GCNT1: variants seen among roughly 807,000 people sequenced by gnomAD.
GCNT1 encodes the protein beta-1,3-galactosyl-O-glycosyl-glycoprotein beta-1,6-N-acetylglucosaminyltransferase.
GCNT1 carries 16 observed loss-of-function variants against 26.2 expected under a neutral mutation model. That is an observed-to-expected ratio of 0.61 (90% CI 0.41 to 0.93). The LOEUF (loss-of-function observed/expected upper bound fraction) is 0.93. Among genes scored for constraint, GCNT1 ranks in the 40% least tolerant of loss-of-function variants. GCNT1 has a pLI of 0.00. For synonymous variants in GCNT1, 183 were observed against 190.8 expected, an observed-to-expected ratio of 0.96 and a Z score of 0.34; for missense variants, 477 against 526.7, an observed-to-expected ratio of 0.91 and a Z score of 0.92.
At chr9:76,430,548 AT>A (rs547016710) in intron 1 of GCNT1, among the ~76,000 whole-genome samples, 87 of 146,266 alleles carry the variant, frequency 5.9e-4, no homozygotes, top group Admixed American at 1.0e-3. Context: ...TGTTCGACTA[AT>A]TTTTTTTTTT....
chr9:76,485,026 A>T (rs931318072), intron 2 of GCNT1, among the ~76,000 whole-genome samples: 1 of 152,034 alleles, frequency 6.6e-6, no homozygotes, highest in African/African-American at 2.4e-5. Flanking sequence ...AGACCTCATG[A>T]TCCGCCCACC....
At chr9:76,456,608 A>C (rs187407250), upstream of GCNT1, among the ~76,000 whole-genome samples, 1 of 152,274 alleles carries the variant, frequency 6.6e-6, no homozygotes, top group East Asian at 1.9e-4. Flanking sequence ...TGACTGATAC[A>C]CCCCTAAGCA....
At chr9:76,399,457 G>C in the GCNT1 span, 1 of 1,573,810 alleles carries the variant, frequency 6.4e-7, no homozygotes, top group South Asian at 1.1e-5. Context: ...AAGGTGTACA[G>C]GTGCCCTCTG....
At chr9:76,395,214 G>C in the GCNT1 span, among the ~76,000 whole-genome samples, 1 of 152,206 alleles carries the variant, frequency 6.6e-6, no homozygotes, top group African/African-American at 2.4e-5. Context: ...CACAGGATAT[G>C]CAGGGTGCAA....
upstream of GCNT1, among the ~76,000 whole-genome samples, chr9:76,456,164 T>G (rs1271201431): frequency 6.6e-6 from 1 of 152,208 alleles, no homozygotes; most frequent in Non-Finnish European, 1.5e-5. Context: ...ACATTTCCTA[T>G]AAGGTTTTGC....
In GCNT1 at chr9:76,431,339, A is replaced by T. The variant is rs576355371; in HGVS notation, n.38+11452A>T. 2.4e-4 allele frequency among the ~76,000 whole-genome samples: 37 copies of T among 152,270 alleles called. 1 individual carries two copies. Among genetic ancestry groups the T allele is most frequent in the African/African-American group, 8.7e-4 (36 of 41,544 alleles). ...CCCCAGGTCATCCATACTCTGACCTACTCGCTACAGATTTGGGGGTCCCAT... is the reference window on the plus strand; with the variant it reads ...CCCCAGGTCATCCATACTCTGACCTTCTCGCTACAGATTTGGGGGTCCCAT... On this transcript the variant is annotated intron_variant and non_coding_transcript_variant, in intron 1 of 3. Transcript: ENST00000488136.
At chr9:76,394,342 C>G in the GCNT1 span, 1 of 556,814 alleles carries the variant, frequency 1.8e-6, no homozygotes, top group Non-Finnish European at 3.0e-6. Context: ...CTGCGAATCC[C>G]TGACGCCGCC....
chr9:76,414,539 T>A, the GCNT1 span, among the ~76,000 whole-genome samples: 2 of 152,160 alleles, frequency 1.3e-5, no homozygotes, highest in African/African-American at 2.4e-5. Flanking sequence ...GGTTGACTAT[T>A]TTTATGGTTA....
At chr9:76,482,253 C>T (rs551256320) in intron 2 of GCNT1, among the ~76,000 whole-genome samples, 59 of 152,126 alleles carry the variant, frequency 3.9e-4, no homozygotes, top group African/African-American at 1.4e-3. Flanking sequence ...CCCAAATCTC[C>T]TACTCCCTAA....
chr9:76,459,635 G>T (rs955907463), intron 1 of GCNT1, among the ~76,000 whole-genome samples: 2 of 152,160 alleles, frequency 1.3e-5, no homozygotes, highest in African/African-American at 4.8e-5. Context: ...GGCAGGGAAC[G>T]AACAGACTCG....
intron 2 of GCNT1, among the ~76,000 whole-genome samples, chr9:76,469,162 GAAGT>G (rs1446310846): frequency 2.0e-5 from 3 of 152,284 alleles, no homozygotes; most frequent in Non-Finnish European, 2.9e-5. Flanking sequence ...TACTATAATT[GAAGT>G]AATAAGTTTT....
the GCNT1 span, among the ~76,000 whole-genome samples, chr9:76,404,920 A>T: frequency 6.6e-6 from 1 of 151,564 alleles, no homozygotes; most frequent in East Asian, 1.9e-4. Flanking sequence ...CAGGTTCAAG[A>T]TTCTCCTGCC....
chr9:76,402,773 G>A, the GCNT1 span, among the ~76,000 whole-genome samples: 7 of 151,334 alleles, frequency 4.6e-5, no homozygotes, highest in East Asian at 5.8e-4. Context: ...TCCACCTCCT[G>A]GGTTCAAGTG....
intron 2 of GCNT1, among the ~76,000 whole-genome samples, chr9:76,484,833 G>C (rs1212913228): frequency 4.3e-5 from 6 of 140,500 alleles, no homozygotes; most frequent in Non-Finnish European, 9.0e-5. Context: ...CTGTTACCCA[G>C]GCTGGAGTGC....
At chr9:76,422,602 G>A (rs1040837273) in intron 1 of GCNT1, among the ~76,000 whole-genome samples, 4 of 152,032 alleles carry the variant, frequency 2.6e-5, no homozygotes, top group African/African-American at 9.7e-5. Context: ...TGAGTGCAGT[G>A]GTGTGATTAT....
intron 2 of GCNT1, among the ~76,000 whole-genome samples, chr9:76,476,501 T>C (rs991103339): frequency 3.3e-5 from 5 of 152,128 alleles, no homozygotes; most frequent in Non-Finnish European, 7.4e-5. Flanking sequence ...ATGAGATCTT[T>C]TATTCTCATT....
At chr9:76,417,072 A>G (rs1446310559), upstream of GCNT1, among the ~76,000 whole-genome samples, 2 of 152,172 alleles carry the variant, frequency 1.3e-5, no homozygotes, top group South Asian at 4.1e-4. Flanking sequence ...AAAAGAAGAT[A>G]TGATAAAAAA....
At chr9:76,483,042 T>G (rs1467610727) in intron 2 of GCNT1, among the ~76,000 whole-genome samples, 1 of 152,136 alleles carries the variant, frequency 6.6e-6, no homozygotes, top group Non-Finnish European at 1.5e-5. Context: ...ATTGAAATGA[T>G]ACATGTGTCT....
At chr9:76,455,657 A>G (rs985354390), upstream of GCNT1, among the ~76,000 whole-genome samples, 5 of 152,064 alleles carry the variant, frequency 3.3e-5, no homozygotes, top group Non-Finnish European at 7.4e-5. Flanking sequence ...GCTGGAGTGC[A>G]GTGGCATGAT....
Sources: allele counts gnomAD v4.1 joint callset (sites outside exome capture counted in the v4.1 genomes callset), GRCh38; gene constraint gnomAD v4.1.1; transcripts MANE v1.5; gene names NCBI Gene and HGNC (gene_info 2026-07-23, HGNC 2026-07-21).